NELL2: variants seen among roughly 807,000 people sequenced by gnomAD.
NELL2 encodes protein kinase C-binding protein NELL2.
In NELL2, 41 loss-of-function variants were observed where a neutral mutation model predicts 109.6. The observed-to-expected ratio is 0.37, with a 90% CI of 0.29 to 0.49. NELL2 has a LOEUF of 0.49. NELL2 is among the 20% of genes least tolerant of loss of function. The pLI is 0.98. For missense variants in NELL2, 900 were observed against 1,008.3 expected (o/e 0.89, Z 1.45); for synonymous variants, 355 against 344.7 (o/e 1.03, Z -0.33).
At chr12:44,738,344 C>A (rs1745303215) in intron 9 of NELL2, among the ~76,000 whole-genome samples, 1 of 152,082 alleles carries the variant, frequency 6.6e-6, no homozygotes, top group South Asian at 2.1e-4. Context: ...AAAGAATATG[C>A]ACTCCTATGT....
intron 2 of NELL2, among the ~76,000 whole-genome samples, chr12:44,822,633 A>G (rs1279397076): frequency 2.6e-5 from 4 of 152,206 alleles, no homozygotes; most frequent in Non-Finnish European, 5.9e-5. Flanking sequence ...CGACATGCCT[A>G]TGCTGCATGG....
Position 44,594,292 on chromosome 12 carries a change from T to A in NELL2, c.1663+12877A>T, listed in dbSNP as rs1039816829. 4.0e-5 allele frequency among the ~76,000 whole-genome samples: 6 copies of A among 151,796 alleles called. No homozygotes were observed. In the South Asian group the frequency reaches 1.0e-3, roughly 26 times the overall value. ...TATCCAAGAACTTTAAGTATAATTT[T>A]AAAAATATATTATATATATATATGT... On this transcript the variant is annotated intron_variant, in intron 15 of 19. Coordinates refer to ENST00000429094, the MANE Select transcript of NELL2 (RefSeq NM_001145108.2).
intron 9 of NELL2, among the ~76,000 whole-genome samples, chr12:44,725,704 A>G (rs1185024328): frequency 6.6e-6 from 1 of 152,226 alleles, no homozygotes; most frequent in African/African-American, 2.4e-5. Flanking sequence ...TTGTGGGAAC[A>G]TGGATGGAGC....
chr12:44,703,700 G>T (rs543661495), intron 12 of NELL2, 26 bp downstream of exon 12: 4 of 1,611,964 alleles, frequency 2.5e-6, no homozygotes, highest in East Asian at 2.2e-5. Context: ...TTATACAGCT[G>T]AGCTACACAT....
At chr12:44,743,105 G>A (rs1053740893) in intron 9 of NELL2, among the ~76,000 whole-genome samples, 10 of 152,196 alleles carry the variant, frequency 6.6e-5, no homozygotes, top group Non-Finnish European at 1.0e-4. Context: ...CAGATCTCTC[G>A]GCAGAAACTC....
chr12:44,578,566 G>C (rs1944198879), intron 15 of NELL2, among the ~76,000 whole-genome samples: 1 of 151,614 alleles, frequency 6.6e-6, no homozygotes, highest in Admixed American at 6.6e-5. Context: ...GCTTAGAGAT[G>C]TGTATCTTTA....
At chr12:44,586,032 T>G (rs1267443694) in intron 15 of NELL2, among the ~76,000 whole-genome samples, 1 of 151,854 alleles carries the variant, frequency 6.6e-6, no homozygotes, top group East Asian at 1.9e-4. Context: ...TGTACCTATT[T>G]GTTCTATGAC....
chr12:44,702,826 T>G (rs1949269059), intron 12 of NELL2, among the ~76,000 whole-genome samples: 2 of 149,672 alleles, frequency 1.3e-5, no homozygotes. Context: ...AAAAAACTAT[T>G]TAAGCTAAGG....
chr12:44,851,105 T>C (rs1592652716), intron 2 of NELL2, among the ~76,000 whole-genome samples: 1 of 152,160 alleles, frequency 6.6e-6, no homozygotes, highest in East Asian at 1.9e-4. Flanking sequence ...ACCAAGTAAT[T>C]CAACACTTAC....
At position 44,686,614 on chromosome 12, in the gene NELL2, T is replaced by G. The variant is rs563333325; in HGVS notation, c.1318+17112A>C. ...TTTTGGTGTGGATGTCCTTTCTGTT[T>G]GTTAGTTTTCCTTCTAACAGACAGG... is the stretch of plus-strand genomic sequence containing the variant. On this transcript the variant is annotated intron_variant, in intron 12 of 19. Transcript: ENST00000429094. Among the ~76,000 whole-genome samples, 5 of 151,670 alleles carry G rather than the reference T, an allele frequency of 3.3e-5. No homozygotes were observed. In the South Asian group the frequency reaches 1.0e-3, roughly 31 times the overall value.
chr12:44,842,132 G>GAAGGAAGGAAGGAAGT, intron 2 of NELL2, among the ~76,000 whole-genome samples: 1 of 150,318 alleles, frequency 6.7e-6, no homozygotes, highest in East Asian at 2.0e-4. Context: ...AGGAAGGAAG[G>GAAGGAAGGAAGGAAGT]AAGGAAAGGG....
intron 1 of NELL2, among the ~76,000 whole-genome samples, chr12:44,889,661 C>T (rs1945511585): frequency 6.6e-6 from 1 of 150,950 alleles, no homozygotes; most frequent in Non-Finnish European, 1.5e-5. Flanking sequence ...ATCGGCTTTA[C>T]TTATATCAGA....
chr12:44,713,215 C>CACACACACACAG (rs1452907003), intron 10 of NELL2, among the ~76,000 whole-genome samples: 51 of 143,298 alleles, frequency 3.6e-4, no homozygotes, highest in African/African-American at 1.3e-3. Flanking sequence ...CACACACACA[C>CACACACACACAG]AGAGAGAGAC....
At chr12:44,761,719 C>G (rs781095515) in intron 9 of NELL2, among the ~76,000 whole-genome samples, 2 of 152,152 alleles carry the variant, frequency 1.3e-5, no homozygotes, top group African/African-American at 2.4e-5. Flanking sequence ...GAAATCACAT[C>G]TTTTGAAGCA....
In NELL2 at chr12:44,519,959, G is replaced by C. The variant is rs377257545; in HGVS notation, c.2400+46C>G. On this transcript the variant is annotated intron_variant, in intron 19 of 19. Coordinates refer to ENST00000429094, the MANE Select transcript of NELL2 (RefSeq NM_001145108.2). ...AGCACATTATTATCTATGAGCCCTGGGTGCAGCTGGCAAAGTGCTCACTAT... is the reference window on the plus strand; with the variant it reads ...AGCACATTATTATCTATGAGCCCTGCGTGCAGCTGGCAAAGTGCTCACTAT... 4.7e-4 allele frequency: 716 copies of C among 1,517,920 alleles called. 2 individuals are homozygous for C. Among genetic ancestry groups the C allele is most frequent in the Middle Eastern group, 9.1e-4 (5 of 5,492 alleles). 94.0% of individuals were successfully genotyped at this position (1,517,920 alleles called of 1,614,324 possible). A position where few individuals can be genotyped will look rare whatever the true frequency, so the allele number is the denominator to read the frequency against.
intron 19 of NELL2, among the ~76,000 whole-genome samples, chr12:44,513,427 G>T (rs1402562026): frequency 6.6e-6 from 1 of 151,892 alleles, no homozygotes; most frequent in Non-Finnish European, 1.5e-5. Flanking sequence ...CTAATGAAGA[G>T]AAAAAGCAGT....
At chr12:44,671,524 T>C (rs1171232088) in intron 12 of NELL2, among the ~76,000 whole-genome samples, 1 of 151,826 alleles carries the variant, frequency 6.6e-6, no homozygotes, top group Non-Finnish European at 1.5e-5. Context: ...ATAAAATAAA[T>C]TATTACATAG....
chr12:44,711,061 G>A (rs1471369887), intron 11 of NELL2, among the ~76,000 whole-genome samples: 1 of 152,074 alleles, frequency 6.6e-6, no homozygotes, highest in Non-Finnish European at 1.5e-5. Flanking sequence ...GCTTGAGACA[G>A]GTTCAAGACA....
At chr12:44,583,916 G>T (rs1386893660) in intron 15 of NELL2, among the ~76,000 whole-genome samples, 1 of 152,112 alleles carries the variant, frequency 6.6e-6, no homozygotes, top group African/African-American at 2.4e-5. Flanking sequence ...GGGACTACAG[G>T]TGTGCACCAC....
Sources: gnomAD v4.1 joint callset for allele counts (sites outside exome capture counted in the v4.1 genomes callset) on GRCh38, gnomAD v4.1.1 for gene constraint, MANE v1.5 for transcripts, NCBI Gene and HGNC (gene_info 2026-07-23, HGNC 2026-07-21) for gene names.